CFAP54: variants seen among roughly 807,000 people sequenced by gnomAD.
The protein encoded by CFAP54 is cilia- and flagella-associated protein 54.
A neutral mutation model predicts 370.4 loss-of-function variants in CFAP54; 290 were observed. That is an observed-to-expected ratio of 0.78 (90% CI 0.71 to 0.86). The LOEUF (loss-of-function observed/expected upper bound fraction) is 0.86. Ranked by LOEUF, CFAP54 falls within the 40% of genes least tolerant of loss-of-function variation. The probability of loss-of-function intolerance (pLI) is 0.00; values close to 1 mark genes in which losing one functional copy is unlikely to be tolerated. For synonymous variants in CFAP54, 1,206 were observed against 1,236.5 expected (o/e 0.98, Z 0.52); for missense variants, 3,399 against 3,528.7 (o/e 0.96, Z 0.93).
intron 23 of CFAP54, among the ~76,000 whole-genome samples, chr12:96,592,113 A>G (rs914901819): frequency 1.1e-4 from 17 of 152,118 alleles, no homozygotes; most frequent in Non-Finnish European, 2.5e-4. Flanking sequence ...GCATTCATCA[A>G]TTGTTAGTTA....
chr12:96,726,277 T>C, intron 50 of CFAP54, among the ~76,000 whole-genome samples: 1 of 152,098 alleles, frequency 6.6e-6, no homozygotes, highest in Non-Finnish European at 1.5e-5. Context: ...GTACCTCTGG[T>C]AGAATTCGGC....
intron 45 of CFAP54, among the ~76,000 whole-genome samples, chr12:96,698,650 G>T (rs1415859118): frequency 6.6e-6 from 1 of 152,110 alleles, no homozygotes; most frequent in Non-Finnish European, 1.5e-5. Context: ...ACACAAAGAA[G>T]GGAACAATAG....
chr12:96,654,297 C>T (rs1413406774), intron 36 of CFAP54, among the ~76,000 whole-genome samples: 2 of 152,006 alleles, frequency 1.3e-5, no homozygotes, highest in East Asian at 1.9e-4. Flanking sequence ...GTCAGGAGAT[C>T]GAGACCATCC....
rs1958930685 is a variant in CFAP54, at chr12:96,811,799, T to C, written c.8914T>C (p.Tyr2972His). The C allele has an allele frequency of 1.3e-6, 2 of 1,525,308 alleles. No individual in the cohort carries two copies. The highest frequency in any genetic ancestry group is 1.2e-5 in the South Asian group (1 of 82,020). 94.5% of individuals were successfully genotyped at this position (1,525,308 alleles called of 1,614,324 possible). ...LKISDVRHST[Y>H]NSTCVGSLWI... ...GATTTCAGATGTTAGACATTCCACT[T>C]ATAACAGTACATGTGTTGGCTCTTT... The change falls in exon 64 of 68, where the codon TAT (tyrosine) becomes CAT (histidine). Residue 2972 changes from tyrosine (Y) to histidine (H), a missense_variant. Physicochemically the swap from Tyr to His is moderately conservative, Grantham distance 83. This residue lies in a region of CFAP54 where 2,796 missense variants were observed against 2,869.7 expected (regional missense o/e 0.97). Coordinates refer to ENST00000524981, the MANE Select transcript of CFAP54 (RefSeq NM_001306084.2).
chr12:96,576,536 G>A (rs1212138688), intron 19 of CFAP54, 49 bp from the exon 20 acceptor site: 1 of 1,304,830 alleles, frequency 7.7e-7, no homozygotes, highest in East Asian at 2.5e-5. Context: ...AACGTAAATA[G>A]AGTTCAAGCT....
intron 59 of CFAP54, among the ~76,000 whole-genome samples, chr12:96,764,656 G>C (rs1958379875): frequency 6.6e-6 from 1 of 152,108 alleles, no homozygotes; most frequent in African/African-American, 2.4e-5. Flanking sequence ...CATTATTTGG[G>C]ATTTGTGCCA....
chr12:96,821,107 C>T (rs1814686362), intron 65 of CFAP54, among the ~76,000 whole-genome samples: 1 of 152,038 alleles, frequency 6.6e-6, no homozygotes, highest in Non-Finnish European at 1.5e-5. Flanking sequence ...GCTCATTTTC[C>T]TCTGAACTCC....
chr12:96,539,763 G>A (rs999191307), intron 13 of CFAP54, among the ~76,000 whole-genome samples: 1 of 152,150 alleles, frequency 6.6e-6, no homozygotes, highest in Admixed American at 6.5e-5. Flanking sequence ...TAATAATAGA[G>A]AATACAGAGA....
chr12:96,506,462 CTT>C (rs895351794), intron 3 of CFAP54, among the ~76,000 whole-genome samples: 2 of 143,498 alleles, frequency 1.4e-5, no homozygotes. Context: ...AGAAACCTAT[CTT>C]TTTTTTTTTA....
chr12:96,506,575 CTTTCT>C (rs1955103138), intron 3 of CFAP54, among the ~76,000 whole-genome samples: 1 of 139,616 alleles, frequency 7.2e-6, no homozygotes, highest in East Asian at 2.1e-4. Flanking sequence ...CCTTCTTTTT[CTTTCT>C]TTTCTTTTCT....
intron 66 of CFAP54, among the ~76,000 whole-genome samples, chr12:96,855,713 C>T (rs2136458498): frequency 6.6e-6 from 1 of 152,348 alleles, no homozygotes; most frequent in South Asian, 2.1e-4. Flanking sequence ...GGTATAGCCC[C>T]CCTCTTGGGT....
chr12:96,845,969 G>A (rs567514725), intron 66 of CFAP54, among the ~76,000 whole-genome samples: 12 of 152,256 alleles, frequency 7.9e-5, no homozygotes, highest in African/African-American at 2.9e-4. Context: ...CCATAGTTCA[G>A]TCACATTCTC....
At chr12:96,665,971 T>G (rs1429546567) in intron 39 of CFAP54, among the ~76,000 whole-genome samples, 2 of 152,228 alleles carry the variant, frequency 1.3e-5, no homozygotes, top group Non-Finnish European at 2.9e-5. Flanking sequence ...TTTTTCCATT[T>G]GTTTGTGTCA....
chr12:96,679,093 T>G (rs767814778), intron 39 of CFAP54, among the ~76,000 whole-genome samples: 7 of 152,128 alleles, frequency 4.6e-5, no homozygotes, highest in Non-Finnish European at 8.8e-5. Context: ...TCAGGACAGT[T>G]AGTTAGTTCT....
chr12:96,513,244 T>C (rs1955193039), intron 5 of CFAP54, among the ~76,000 whole-genome samples, 200 bp downstream of exon 5: 1 of 152,152 alleles, frequency 6.6e-6, no homozygotes, highest in Admixed American at 6.5e-5. Flanking sequence ...ATATAGATGA[T>C]TTAATGAAAA....
chr12:96,690,645 A>G (rs746945414), intron 43 of CFAP54, among the ~76,000 whole-genome samples: 2 of 151,478 alleles, frequency 1.3e-5, no homozygotes, highest in African/African-American at 2.4e-5. Flanking sequence ...GTTTTTTTTT[A>G]TTTGTTTGTT....
chr12:96,494,726 T>G (rs919884550), intron 1 of CFAP54, among the ~76,000 whole-genome samples: 1 of 151,968 alleles, frequency 6.6e-6, no homozygotes, highest in African/African-American at 2.4e-5. Context: ...AGATGGTTAT[T>G]ATTATTATTA....
chr12:96,753,722 A>AC, intron 55 of CFAP54, 21 bp from the exon 56 acceptor site: 1 of 1,608,934 alleles, frequency 6.2e-7, no homozygotes, highest in Admixed American at 1.7e-5. Flanking sequence ...GTTCTTCCCC[A>AC]CCGAACTGTT....
chr12:96,711,045 T>C (rs150935176), intron 48 of CFAP54, among the ~76,000 whole-genome samples: 225 of 152,332 alleles, frequency 1.5e-3, no homozygotes, highest in African/African-American at 5.1e-3. Flanking sequence ...AGCTTGAACT[T>C]ATATTTGTGG....
Sources: allele counts gnomAD v4.1 joint callset (sites outside exome capture counted in the v4.1 genomes callset), GRCh38; gene constraint gnomAD v4.1.1; regional missense constraint gnomAD v4.1.1; transcripts MANE v1.5; gene names NCBI Gene and HGNC (gene_info 2026-07-23, HGNC 2026-07-21).